MED13L: variants seen among roughly 807,000 people sequenced by gnomAD.
MED13L encodes mediator of RNA polymerase II transcription subunit 13-like.
A neutral mutation model predicts 220.9 loss-of-function variants in MED13L; 7 were observed. The ratio of observed to expected loss-of-function variants is 0.03; its 90% CI spans 0.02 to 0.06. The LOEUF (loss-of-function observed/expected upper bound fraction) is 0.06. Among genes scored for constraint, MED13L ranks in the 10% least tolerant of loss-of-function variants. The pLI is 1.00. For synonymous variants in MED13L, 1,011 were observed against 1,015.2 expected, an observed-to-expected ratio of 1.00 and a Z score of 0.08; for missense variants, 1,965 against 2,760.5, an observed-to-expected ratio of 0.71 and a Z score of 6.46.
intron 1 of MED13L, among the ~76,000 whole-genome samples, chr12:116,255,935 A>T (rs1872003700): frequency 6.6e-6 from 1 of 152,242 alleles, no homozygotes; most frequent in Non-Finnish European, 1.5e-5. Context: ...CTCAGCCAGT[A>T]TAATGCAAAT....
At chr12:116,028,374 A>C (rs770762873) in intron 4 of MED13L, among the ~76,000 whole-genome samples, 11 of 152,094 alleles carry the variant, frequency 7.2e-5, no homozygotes, top group Non-Finnish European at 2.9e-5. Flanking sequence ...TACTCACCCC[A>C]TTTATTTCAT....
chr12:116,001,638 T>G (rs571995435), intron 14 of MED13L, among the ~76,000 whole-genome samples: 136 of 152,302 alleles, frequency 8.9e-4, no homozygotes, highest in African/African-American at 3.1e-3. Flanking sequence ...ATACATATGC[T>G]CTCACGAACA....
intron 4 of MED13L, among the ~76,000 whole-genome samples, chr12:116,033,147 A>G (rs970428679): frequency 9.9e-5 from 15 of 152,082 alleles, no homozygotes; most frequent in African/African-American, 3.6e-4. Context: ...CATCTTAAGG[A>G]CTTTATAGAG....
At chr12:116,249,037 A>C (rs1486950907) in intron 1 of MED13L, among the ~76,000 whole-genome samples, 1 of 152,234 alleles carries the variant, frequency 6.6e-6, no homozygotes, top group South Asian at 2.1e-4. Context: ...AAAAAGCTCC[A>C]AAGATCTGAT....
intron 4 of MED13L, among the ~76,000 whole-genome samples, chr12:116,095,914 G>A (rs7484954): frequency 2.0e-5 from 3 of 152,074 alleles, no homozygotes; most frequent in Non-Finnish European, 4.4e-5. Flanking sequence ...TAAAAGTTTA[G>A]GATTGTTTAG....
intron 3 of MED13L, among the ~76,000 whole-genome samples, chr12:116,103,651 G>C (rs1873287205): frequency 6.6e-6 from 1 of 152,094 alleles, no homozygotes; most frequent in Admixed American, 6.6e-5. Context: ...TCACTAAATA[G>C]CTACACAGAC....
chr12:116,188,881 G>A (rs1342092948), intron 2 of MED13L, among the ~76,000 whole-genome samples: 1 of 152,068 alleles, frequency 6.6e-6, no homozygotes, highest in African/African-American at 2.4e-5. Context: ...ATTTATCCAG[G>A]TTACTGTATA....
intron 2 of MED13L, among the ~76,000 whole-genome samples, chr12:116,221,505 C>G (rs115493843): frequency 0.01 from 1,575 of 152,232 alleles, 27 homozygotes; most frequent in African/African-American, 0.036. Context: ...TACCACAATG[C>G]CTAGTACCTA....
chr12:116,247,206 T>A (rs1040533046), intron 1 of MED13L, among the ~76,000 whole-genome samples: 1 of 151,888 alleles, frequency 6.6e-6, no homozygotes, highest in Non-Finnish European at 1.5e-5. Context: ...GATTCTTTAA[T>A]TGAATTCTGT....
At position 116,124,152 on chromosome 12, in the gene MED13L, C is replaced by CAGAGACAGAGAGAGACAGAG. The variant is rs1317898289; in HGVS notation, c.311-12660_311-12641dup. On this transcript the variant is annotated intron_variant, in intron 2 of 30. Transcript: ENST00000281928. ...AGAGAGAGAGAGAGAGAGAGAGAGA[C>CAGAGACAGAGAGAGACAGAG]AGAGACAGAGAGAGACAGAGAGAGA... is the stretch of plus-strand genomic sequence containing the variant. Among the ~76,000 whole-genome samples, 526 of 108,660 alleles carry CAGAGACAGAGAGAGACAGAG rather than the reference C, an allele frequency of 4.8e-3. 4 individuals carry two copies. Among genetic ancestry groups the CAGAGACAGAGAGAGACAGAG allele is most frequent in the Middle Eastern group, 9.1e-3 (2 of 220 alleles). 71.3% of individuals were successfully genotyped at this position (108,660 alleles called of 152,430 possible). A position where few individuals can be genotyped will look rare whatever the true frequency, so the allele number is the denominator to read the frequency against.
At chr12:116,251,807 C>G (rs1319181505) in intron 1 of MED13L, among the ~76,000 whole-genome samples, 1 of 149,524 alleles carries the variant, frequency 6.7e-6, no homozygotes, top group Non-Finnish European at 1.5e-5. Context: ...ACAAGAAATG[C>G]ACCTTACATA....
chr12:116,036,469 A>C (rs1182544298), intron 4 of MED13L, among the ~76,000 whole-genome samples: 1 of 152,158 alleles, frequency 6.6e-6, no homozygotes, highest in African/African-American at 2.4e-5. Flanking sequence ...ATCCTCTAAA[A>C]AGATATTTTT....
At chr12:116,260,933 A>C (rs924077048) in intron 1 of MED13L, among the ~76,000 whole-genome samples, 1 of 152,220 alleles carries the variant, frequency 6.6e-6, no homozygotes, top group Non-Finnish European at 1.5e-5. Flanking sequence ...TAGGTAACAA[A>C]GGCTGATACA....
At chr12:116,185,621 C>T (rs963149881) in intron 2 of MED13L, among the ~76,000 whole-genome samples, 5 of 150,142 alleles carry the variant, frequency 3.3e-5, no homozygotes, top group Non-Finnish European at 7.4e-5. Context: ...CATTTAATTT[C>T]TTAGAAAAAT....
chr12:115,968,214 G>T (rs530071174), intron 28 of MED13L, among the ~76,000 whole-genome samples: 1 of 152,030 alleles, frequency 6.6e-6, no homozygotes, highest in Non-Finnish European at 1.5e-5. Flanking sequence ...TAAATAAACA[G>T]TACAATACAG....
chr12:116,137,518 C>G (rs7134183), intron 2 of MED13L, among the ~76,000 whole-genome samples: 152,222 of 152,224 alleles, frequency 1, 76,110 homozygotes, highest in Middle Eastern at 1. Context: ...TGGAAACTCA[C>G]GGGGTTTCAG....
At chr12:116,191,416 C>G (rs1881271622) in intron 2 of MED13L, among the ~76,000 whole-genome samples, 1 of 152,004 alleles carries the variant, frequency 6.6e-6, no homozygotes. Flanking sequence ...CTGCAACCTC[C>G]ACCCCCTGGG....
At chr12:116,064,115 T>C (rs140253455) in intron 4 of MED13L, among the ~76,000 whole-genome samples, 2 of 151,896 alleles carry the variant, frequency 1.3e-5, no homozygotes, top group African/African-American at 4.8e-5. Context: ...ACTTGAACCT[T>C]GAGGTTGAGT....
intron 2 of MED13L, among the ~76,000 whole-genome samples, chr12:116,137,423 G>A (rs1275678252): frequency 6.6e-6 from 1 of 152,006 alleles, no homozygotes. Flanking sequence ...TTTTCTCAAG[G>A]CCAAAAAGAT....
Sources: gnomAD v4.1 joint callset for allele counts (sites outside exome capture counted in the v4.1 genomes callset) on GRCh38, gnomAD v4.1.1 for gene constraint, MANE v1.5 for transcripts, NCBI Gene and HGNC (gene_info 2026-07-23, HGNC 2026-07-21) for gene names.